The following TMEFF2 variants were observed in gnomAD, a reference collection of about 807,000 sequenced individuals.
TMEFF2 encodes the protein tomoregulin-2.
Under a neutral mutation model 53.8 loss-of-function variants are expected in TMEFF2, and 28 were observed. The ratio of observed to expected loss-of-function variants is 0.52; its 90% CI spans 0.39 to 0.71. The LOEUF is 0.71. TMEFF2 is among the 30% of genes least tolerant of loss of function. The pLI is 0.00. For synonymous variants in TMEFF2, 162 were observed against 166.3 expected (o/e 0.97, Z 0.20); for missense variants, 353 against 455.2 (o/e 0.78, Z 2.04).
chr2:192,109,628 C>T (rs183124624), intron 4 of TMEFF2, among the ~76,000 whole-genome samples: 191 of 152,116 alleles, frequency 1.3e-3, no homozygotes, highest in Non-Finnish European at 1.0e-3. Context: ...TACCTGATGA[C>T]GCACTACATA....
Position 192,162,512 on chromosome 2 carries a change from T to C in TMEFF2, c.439+17156A>G, listed in dbSNP as rs185084001. Among the ~76,000 whole-genome samples the C allele has an allele frequency of 2.0e-3, 306 of 152,284 alleles. 1 individual carries two copies. Among genetic ancestry groups the C allele is most frequent in the Non-Finnish European group, 2.2e-3 (150 of 68,020 alleles). On this transcript the variant is annotated intron_variant, in intron 4 of 9. Coordinates refer to ENST00000272771, the MANE Select transcript of TMEFF2 (RefSeq NM_016192.4). ...AGGGGGAAATAACTTCTATTCCAAC[T>C]CATAATCTTTGTTGGCTTTAGAGTT...
intron 4 of TMEFF2, among the ~76,000 whole-genome samples, chr2:192,157,032 G>A (rs915602609): frequency 6.6e-6 from 1 of 152,000 alleles, no homozygotes; most frequent in African/African-American, 2.4e-5. Flanking sequence ...ATAGGATGGT[G>A]TAGATAAGAT....
chr2:192,099,869 G>GA (rs67814913), intron 4 of TMEFF2, among the ~76,000 whole-genome samples: 135,648 of 151,630 alleles, frequency 0.89, 60,909 homozygotes, highest in Middle Eastern at 0.96. Flanking sequence ...TAGATCAGTG[G>GA]AAAAAATATA....
At chr2:192,081,334 C>A (rs1481019739) in intron 4 of TMEFF2, among the ~76,000 whole-genome samples, 1 of 151,914 alleles carries the variant, frequency 6.6e-6, no homozygotes, top group African/African-American at 2.4e-5. Context: ...AAATTTGTTT[C>A]ATACTTAAGT....
At chr2:192,078,528 G>A (rs1404860867) in intron 4 of TMEFF2, among the ~76,000 whole-genome samples, 1 of 152,110 alleles carries the variant, frequency 6.6e-6, no homozygotes, top group Non-Finnish European at 1.5e-5. Flanking sequence ...GAGTGTTAGA[G>A]ATACATTGCA....
chr2:192,085,839 C>A (rs947980110), intron 4 of TMEFF2, among the ~76,000 whole-genome samples: 1 of 152,110 alleles, frequency 6.6e-6, no homozygotes, highest in African/African-American at 2.4e-5. Context: ...CATCATCTCA[C>A]AGGAGCATTG....
At chr2:192,148,043 T>C (rs1314623386) in intron 4 of TMEFF2, among the ~76,000 whole-genome samples, 1 of 152,066 alleles carries the variant, frequency 6.6e-6, no homozygotes, top group Non-Finnish European at 1.5e-5. Context: ...GAATTGCTTG[T>C]AATGAGTGGA....
chr2:191,968,262 G>A (rs1239165393), intron 7 of TMEFF2, among the ~76,000 whole-genome samples: 1 of 152,192 alleles, frequency 6.6e-6, no homozygotes, highest in Non-Finnish European at 1.5e-5. Context: ...GGCCACTGGT[G>A]ATATCTATAT....
chr2:192,121,264 C>A (rs1050330856), intron 4 of TMEFF2, among the ~76,000 whole-genome samples: 2 of 152,038 alleles, frequency 1.3e-5, no homozygotes, highest in Non-Finnish European at 2.9e-5. Flanking sequence ...TGTCAGATGC[C>A]ATAGTTTGAA....
At chr2:191,951,201 A>C (rs1175393056) in intron 9 of TMEFF2, among the ~76,000 whole-genome samples, 5 of 151,964 alleles carry the variant, frequency 3.3e-5, no homozygotes, top group Non-Finnish European at 7.4e-5. Flanking sequence ...ATAAATATAT[A>C]TATGTATAGT....
rs529810219 is a variant in TMEFF2 at position 192,164,689 on chromosome 2, C to T, written c.439+14979G>A. ...GTTGCAGTGAGCCAAGATCATGCCA[C>T]CGCACTCCAGCCTGGTGACATAGCG... On this transcript the variant is annotated intron_variant, in intron 4 of 9. Transcript: ENST00000272771. 3.3e-5 allele frequency among the ~76,000 whole-genome samples: 5 copies of T among 151,358 alleles called. No individual in the cohort carries two copies. The South Asian group carries it at 8.4e-4, about 25-fold the overall frequency.
At chr2:192,096,840 C>A (rs977331708) in intron 4 of TMEFF2, among the ~76,000 whole-genome samples, 32 of 151,736 alleles carry the variant, frequency 2.1e-4, no homozygotes, top group African/African-American at 6.8e-4. Flanking sequence ...CCAGGCCCAG[C>A]AATTTTTGTA....
At chr2:192,164,169 T>C (rs1690698195) in intron 4 of TMEFF2, among the ~76,000 whole-genome samples, 1 of 152,142 alleles carries the variant, frequency 6.6e-6, no homozygotes, top group African/African-American at 2.4e-5. Flanking sequence ...ATGAATAAAT[T>C]CCAAATTCCT....
chr2:191,997,581 T>A (rs972896084), intron 7 of TMEFF2, among the ~76,000 whole-genome samples: 1 of 151,608 alleles, frequency 6.6e-6, no homozygotes, highest in Non-Finnish European at 1.5e-5. Context: ...CAAATTTCTA[T>A]AAAATTTAAG....
intron 7 of TMEFF2, among the ~76,000 whole-genome samples, chr2:191,964,115 A>G (rs1473723319): frequency 6.6e-6 from 1 of 152,012 alleles, no homozygotes; most frequent in African/African-American, 2.4e-5. Context: ...TTCATATCTT[A>G]TTTATCATTT....
chr2:192,138,136 T>G (rs898698040), intron 4 of TMEFF2, among the ~76,000 whole-genome samples: 17 of 152,152 alleles, frequency 1.1e-4, no homozygotes, highest in African/African-American at 3.6e-4. Flanking sequence ...TAATATATTT[T>G]TGAAACACTG....
intron 5 of TMEFF2, among the ~76,000 whole-genome samples, chr2:192,021,331 G>A (rs4580334): frequency 0.96 from 146,327 of 152,200 alleles, 70,580 homozygotes; most frequent in East Asian, 1. Context: ...TCTCCCTTTA[G>A]ATAAGTATAG....
At chr2:192,056,151 T>A (rs942895802) in intron 5 of TMEFF2, among the ~76,000 whole-genome samples, 2 of 152,068 alleles carry the variant, frequency 1.3e-5, no homozygotes, top group African/African-American at 4.8e-5. Flanking sequence ...TCCCCTCTAC[T>A]CACAAAAGTT....
At chr2:192,047,088 T>C (rs1687641266) in intron 5 of TMEFF2, among the ~76,000 whole-genome samples, 1 of 152,010 alleles carries the variant, frequency 6.6e-6, no homozygotes, top group Admixed American at 6.6e-5. Flanking sequence ...GCCTAGCTAA[T>C]TTTTTGTATT....
Sources: gnomAD v4.1 joint callset for allele counts (sites outside exome capture counted in the v4.1 genomes callset) on GRCh38, gnomAD v4.1.1 for gene constraint, MANE v1.5 for transcripts, NCBI Gene and HGNC (gene_info 2026-07-23, HGNC 2026-07-21) for gene names.